The following SLFN11 variants were observed in gnomAD, a reference collection of about 807,000 sequenced individuals.
The protein encoded by SLFN11 is schlafen family member 11.
Under a neutral mutation model 53.4 loss-of-function variants are expected in SLFN11, and 43 were observed. The ratio of observed to expected loss-of-function variants is 0.80; its 90% CI spans 0.63 to 1.04. SLFN11 has a LOEUF of 1.04. SLFN11 is among the 50% of genes least tolerant of loss of function. The probability of loss-of-function intolerance (pLI) is 0.00; values close to 1 mark genes in which losing one functional copy is unlikely to be tolerated. For synonymous variants in SLFN11, 389 were observed against 394.7 expected (o/e 0.99, Z 0.17); for missense variants, 990 against 1,079.1 (o/e 0.92, Z 1.16).
intron 5 of SLFN11, among the ~76,000 whole-genome samples, chr17:35,355,231 G>A (rs1200200799): frequency 6.6e-6 from 1 of 151,992 alleles, no homozygotes; most frequent in Non-Finnish European, 1.5e-5. Context: ...GAGTAGATAA[G>A]GACTCAAAGA....
intron 6 of SLFN11, 97 bp from the exon 7 acceptor site, chr17:35,353,236 G>T (rs1906984067): frequency 1.3e-6 from 2 of 1,598,968 alleles, no homozygotes; most frequent in African/African-American, 2.7e-5. Context: ...CATTACCACA[G>T]ATCATTTTAC....
chr17:35,362,793 C>T lies in SLFN11; in HGVS notation c.1015G>A (p.Val339Ile), dbSNP rs149980802. The change falls in exon 4 of 7, where the codon GTC becomes ATC. Residue 339 changes from valine to isoleucine, a missense_variant. Coordinates refer to ENST00000685675, the MANE Select transcript of SLFN11 (RefSeq NM_001376007.1). ...PNSWIVEDKY[V>I]CSLTTEKWVG... ...CATTTCTCGGTTGTCAGGCTGCAGA[C>T]GTACTTGTCCTCCACTATCCATGAA... 8 of 1,603,652 alleles carry T rather than the reference C, an allele frequency of 5.0e-6. No individual in the cohort carries two copies. Among genetic ancestry groups the T allele is most frequent in the Middle Eastern group, 1.7e-4 (1 of 5,958 alleles).
Position 35,353,685 on chromosome 17 carries a change from CCTCTGCGCTG to C in SLFN11, c.1563_1572del (p.Ser521ArgfsTer32), listed in dbSNP as rs1487026914. On this transcript the variant is annotated frameshift_variant, in exon 6 of 7. Coordinates refer to ENST00000685675, the MANE Select transcript of SLFN11 (RefSeq NM_001376007.1). LOFTEE classifies it high-confidence loss of function. The stretch of plus-strand genomic sequence containing the variant: ...ATCGGAGACACTGCAGCCTCCAAGG[CCTCTGCGCTG>C]CTCTCAGGACTCAGGCAGAGGACCT... 13 of 1,306,520 alleles carry C rather than the reference CCTCTGCGCTG, an allele frequency of 1.0e-5. No individual in the cohort carries two copies. The South Asian group carries it at 1.9e-4, about 19-fold the overall frequency. 80.9% of individuals were successfully genotyped at this position (1,306,520 alleles called of 1,614,324 possible).
At chr17:35,354,136 A>G (rs896857438) in intron 5 of SLFN11, 77 bp from the exon 6 acceptor site, 27 of 1,249,620 alleles carry the variant, frequency 2.2e-5, no homozygotes, top group Admixed American at 1.1e-4. Flanking sequence ...TAATTAACTA[A>G]TTGATTAACT....
intron 3 of SLFN11, among the ~76,000 whole-genome samples, chr17:35,366,046 T>C (rs1027556036): frequency 2.6e-5 from 4 of 152,146 alleles, no homozygotes; most frequent in Non-Finnish European, 5.9e-5. Flanking sequence ...TGTTGTTTTC[T>C]TGTCTTTGCA....
chr17:35,352,912 G>T lies in SLFN11; in HGVS notation c.2150C>A (p.Pro717His). 6.2e-7 allele frequency: 1 copy of T among 1,614,188 alleles called. No homozygotes were observed. Among genetic ancestry groups the T allele is most frequent in the Non-Finnish European group, 8.5e-7 (1 of 1,180,040 alleles). ...TTCTCTTGGATATTGGTCTGAGAGA[G>T]GAGGGAGGCCACTGCAATCCAAGTG... ...TSHLDCSGLP[P>H]LSDQYPREEL... is the part of the protein sequence containing the mutation. Residue 717 changes from proline to histidine, a missense_variant, in exon 7 of 7, where the codon CCT (proline) becomes CAT (histidine). This residue lies in a region of SLFN11 where 313 missense variants were observed against 320.9 expected (regional missense o/e 0.98). Transcript: ENST00000685675.
At chr17:35,370,467 C>T (rs1909505642) in intron 1 of SLFN11, among the ~76,000 whole-genome samples, 1 of 151,854 alleles carries the variant, frequency 6.6e-6, no homozygotes, top group African/African-American at 2.4e-5. Flanking sequence ...CATAGAAATC[C>T]TAGCTAGAGC....
intron 4 of SLFN11, 56 bp from the exon 5 acceptor site, chr17:35,360,427 G>A (rs1480765133): frequency 5.4e-6 from 8 of 1,483,456 alleles, no homozygotes; most frequent in African/African-American, 1.4e-5. Flanking sequence ...TACTGAAAGA[G>A]GCTCTATCAG....
intron 5 of SLFN11, among the ~76,000 whole-genome samples, chr17:35,358,889 A>G (rs1907848164): frequency 6.6e-6 from 1 of 152,026 alleles, no homozygotes; most frequent in African/African-American, 2.4e-5. Flanking sequence ...ACAGTAGCTC[A>G]TGCCTATAGT....
Position 35,362,106 on chromosome 17 carries a change from G to C in SLFN11, c.1069+633C>G, listed in dbSNP as rs1394484516. Reference sequence around the variant, plus strand: ...TAATAAACAGATCTAGTTGAGAAGAGATCCCTCGTTCATAGCCAACTGCCA... The same window carrying C: ...TAATAAACAGATCTAGTTGAGAAGACATCCCTCGTTCATAGCCAACTGCCA... On this transcript the variant is annotated intron_variant, in intron 4 of 6. Coordinates refer to ENST00000685675, the MANE Select transcript of SLFN11 (RefSeq NM_001376007.1). Among the ~76,000 whole-genome samples, 3 of 152,020 alleles carry C rather than the reference G, an allele frequency of 2.0e-5. No individual in the cohort carries two copies. The East Asian group carries it at 5.8e-4, about 29-fold the overall frequency.
At chr17:35,373,121 G>A (rs926602789) in intron 1 of SLFN11, among the ~76,000 whole-genome samples, 2 of 152,194 alleles carry the variant, frequency 1.3e-5, no homozygotes, top group African/African-American at 2.4e-5. Flanking sequence ...GAGCCACCAA[G>A]GTGCACTCAG....
rs553955560 is a variant in SLFN11, at chr17:35,368,920, G to A, written c.-234-1220C>T. ...CAGAAGAGAAACTGCTGCCTTAAAG[G>A]GAAAGACCCAGTCCTGGCAGGATCT... On this transcript the variant is annotated intron_variant, in intron 1 of 6. Transcript: ENST00000685675. Among the ~76,000 whole-genome samples the A allele has an allele frequency of 3.3e-5, 5 of 152,096 alleles. No homozygotes were observed. The East Asian group carries it at 9.6e-4, about 29-fold the overall frequency.
chr17:35,360,481 A>ATTTTG, intron 4 of SLFN11, 110 bp from the exon 5 acceptor site: 1 of 1,058,204 alleles, frequency 9.4e-7, no homozygotes, highest in Non-Finnish European at 1.3e-6. Context: ...CTTGAGAGAT[A>ATTTTG]ATATCAAAAT....
In SLFN11 at chr17:35,357,196, C is replaced by G. The variant is rs564711311; in HGVS notation, c.1198+3047G>C. On this transcript the variant is annotated intron_variant, in intron 5 of 6. Transcript: ENST00000685675. ...TGTGTGTCTGTGTCCTTATCAACTT[C>G]TGGAAGCTCTTTATATATTAGAGAC... Among the ~76,000 whole-genome samples, 18 of 149,186 alleles carry G rather than the reference C, an allele frequency of 1.2e-4. No individual in the cohort carries two copies. The South Asian group carries it at 2.3e-3, about 19-fold the overall frequency.
chr17:35,360,054 C>T, intron 5 of SLFN11, 189 bp downstream of exon 5: 1 of 550,268 alleles, frequency 1.8e-6, no homozygotes. Context: ...TGTGGTCCTG[C>T]CTTAGCCAGT....
In SLFN11 at chr17:35,352,760, C is replaced by A; in HGVS notation, c.2302G>T (p.Glu768Ter). ...TGCLEVFPEA[E>*]WSQGVQGTLR... ...GTTCCCTGAACACCCTGGGACCATT[C>A]GGCTTCAGGAAATACCTCGAGGCAC... The change falls in exon 7 of 7, where the codon GAA becomes TAA. Residue 768 changes from glutamate to a stop codon, truncating the protein, a stop_gained. Coordinates refer to ENST00000685675, the MANE Select transcript of SLFN11 (RefSeq NM_001376007.1). LOFTEE classifies it low-confidence loss of function (END_TRUNC). The A allele has an allele frequency of 1.2e-6, 2 of 1,614,176 alleles. No homozygotes were observed. Among genetic ancestry groups the A allele is most frequent in the Non-Finnish European group, 1.7e-6 (2 of 1,180,044 alleles).
chr17:35,354,662 T>A (rs933936741), intron 5 of SLFN11, among the ~76,000 whole-genome samples: 2 of 152,104 alleles, frequency 1.3e-5, no homozygotes, highest in African/African-American at 4.8e-5. Context: ...AACGTATGGC[T>A]CCCCACTACC....
Position 35,373,469 on chromosome 17 carries a change from C to G in SLFN11, c.-235+5G>C, listed in dbSNP as rs762160165. The G allele has an allele frequency of 3.3e-5, 5 of 151,738 alleles. No homozygotes were observed. The highest frequency in any genetic ancestry group is 7.4e-5 in the Non-Finnish European group (5 of 67,946). 9.4% of individuals were successfully genotyped at this position (151,738 alleles called of 1,614,324 possible). On this transcript the variant is annotated splice_donor_5th_base_variant and intron_variant, in intron 1 of 6. Transcript: ENST00000685675. ...GGTGGGAAGGGTGCTGCTCCCTTCTCGAACCTGGCACTCGAGTTACAGCCC... is the reference window on the plus strand; with the variant it reads ...GGTGGGAAGGGTGCTGCTCCCTTCTGGAACCTGGCACTCGAGTTACAGCCC...
Position 35,352,101 on chromosome 17 carries a change from A to G in SLFN11, c.*255T>C. ...TGCAAGACACAGATCGGCATTGTGC[A>G]GGACAGCTAAAGTTCCTTTAGAAAA... On this transcript the variant is annotated 3_prime_UTR_variant, in exon 7 of 7. Transcript: ENST00000685675. 1 of 556,906 alleles carries G rather than the reference A, an allele frequency of 1.8e-6. No individual in the cohort carries two copies. The highest frequency in any genetic ancestry group is 3.2e-6 in the Non-Finnish European group (1 of 313,346). The allele number at this position is 556,906 out of a possible 1,614,324, so 34.5% of individuals were successfully genotyped here.
Sources: allele counts gnomAD v4.1 joint callset (sites outside exome capture counted in the v4.1 genomes callset), GRCh38; gene constraint gnomAD v4.1.1; regional missense constraint gnomAD v4.1.1; transcripts MANE v1.5; gene names NCBI Gene and HGNC (gene_info 2026-07-23, HGNC 2026-07-21).